CSMD1: variants seen among roughly 807,000 people sequenced by gnomAD.
CSMD1 encodes the protein CUB and sushi domain-containing protein 1.
CSMD1 carries 213 observed loss-of-function variants against 417.5 expected under a neutral mutation model. The observed-to-expected ratio is 0.51, with a 90% CI of 0.46 to 0.57. The LOEUF (loss-of-function observed/expected upper bound fraction) is 0.57. Among genes scored for constraint, CSMD1 ranks in the 20% least tolerant of loss-of-function variants. The pLI, the probability that CSMD1 is intolerant of heterozygous loss-of-function variation, is 0.00. For missense variants in CSMD1, 6,923 were observed against 4,529.7 expected, an observed-to-expected ratio of 1.53 and a Z score of -15.17; for synonymous variants, 2,862 against 1,736.8, an observed-to-expected ratio of 1.65 and a Z score of -16.11.
chr8:3,051,221 C>T (rs1273247291), intron 50 of CSMD1, among the ~76,000 whole-genome samples: 1 of 152,166 alleles, frequency 6.6e-6, no homozygotes, highest in Non-Finnish European at 1.5e-5. Flanking sequence ...TGGTAGACTG[C>T]ATACAGCAAA....
chr8:3,441,331 G>A (rs553953587), intron 12 of CSMD1, among the ~76,000 whole-genome samples: 7 of 152,100 alleles, frequency 4.6e-5, no homozygotes, highest in East Asian at 1.9e-4. Flanking sequence ...AAACTAATAG[G>A]GGTGTTGAAT....
At chr8:4,083,870 A>G (rs1255299244) in intron 3 of CSMD1, among the ~76,000 whole-genome samples, 2 of 152,214 alleles carry the variant, frequency 1.3e-5, no homozygotes, top group African/African-American at 4.8e-5. Context: ...GAGCTTCTGC[A>G]CAGCAAAAGA....
At chr8:4,019,671 G>T (rs1358551766) in intron 4 of CSMD1, among the ~76,000 whole-genome samples, 1 of 152,166 alleles carries the variant, frequency 6.6e-6, no homozygotes, top group African/African-American at 2.4e-5. Context: ...AGTGGCAGTT[G>T]TCTGAGATAA....
chr8:3,143,110 A>G (rs1268499682), intron 40 of CSMD1, among the ~76,000 whole-genome samples: 1 of 152,216 alleles, frequency 6.6e-6, no homozygotes, highest in Non-Finnish European at 1.5e-5. Flanking sequence ...AAAAACAACA[A>G]CAACAACAAC....
At chr8:4,622,058 C>T (rs1279343889) in intron 2 of CSMD1, among the ~76,000 whole-genome samples, 1 of 151,192 alleles carries the variant, frequency 6.6e-6, no homozygotes, top group Non-Finnish European at 1.5e-5. Flanking sequence ...GAAAAATCTA[C>T]AAGCAACATA....
At chr8:3,775,894 G>C (rs1798863200) in intron 5 of CSMD1, among the ~76,000 whole-genome samples, 1 of 152,140 alleles carries the variant, frequency 6.6e-6, no homozygotes, top group African/African-American at 2.4e-5. Flanking sequence ...CGCCACATGT[G>C]GCTTCTCAAT....
At chr8:3,248,501 A>ACGC (rs1439975756) in intron 26 of CSMD1, among the ~76,000 whole-genome samples, 1 of 141,308 alleles carries the variant, frequency 7.1e-6, no homozygotes, top group Non-Finnish European at 1.5e-5. Context: ...TCTGCCAGGT[A>ACGC]CGCCTGTAAT....
intron 5 of CSMD1, among the ~76,000 whole-genome samples, chr8:3,991,257 A>G (rs1814725391): frequency 6.6e-6 from 1 of 152,224 alleles, no homozygotes; most frequent in South Asian, 2.1e-4. Context: ...GTACAGTAGA[A>G]TTAGCTGGTA....
At chr8:3,581,914 C>T (rs957146717) in intron 9 of CSMD1, among the ~76,000 whole-genome samples, 2 of 152,132 alleles carry the variant, frequency 1.3e-5, no homozygotes, top group Non-Finnish European at 2.9e-5. Context: ...AAGTGATTCT[C>T]CTGCCTCAGC....
chr8:4,469,008 GA>G (rs1185035133), intron 2 of CSMD1, among the ~76,000 whole-genome samples: 2 of 151,972 alleles, frequency 1.3e-5, no homozygotes, highest in Non-Finnish European at 2.9e-5. Context: ...ACTCTAAAAG[GA>G]AAAAAAGTTC....
intron 23 of CSMD1, among the ~76,000 whole-genome samples, chr8:3,325,293 C>T (rs962087280): frequency 6.6e-6 from 1 of 152,138 alleles, no homozygotes; most frequent in African/African-American, 2.4e-5. Context: ...TTTTTATTAC[C>T]CCTAGAGAAG....
At chr8:3,617,757 T>G (rs1802214820) in intron 7 of CSMD1, among the ~76,000 whole-genome samples, 1 of 152,144 alleles carries the variant, frequency 6.6e-6, no homozygotes, top group African/African-American at 2.4e-5. Flanking sequence ...ATCAACCAAT[T>G]TAGGAGCAAT....
chr8:3,837,616 G>C (rs949059865), intron 5 of CSMD1, among the ~76,000 whole-genome samples: 3 of 152,128 alleles, frequency 2.0e-5, no homozygotes, highest in South Asian at 4.1e-4. Flanking sequence ...AGAAATTCTA[G>C]CGTTTGTGGA....
chr8:3,578,008 C>T (rs1280191774), intron 9 of CSMD1, among the ~76,000 whole-genome samples: 1 of 152,100 alleles, frequency 6.6e-6, no homozygotes, highest in Non-Finnish European at 1.5e-5. Flanking sequence ...TGTCTGTTGT[C>T]CCCTAGCTGT....
chr8:3,862,766 G>A (rs1015201267), intron 5 of CSMD1, among the ~76,000 whole-genome samples: 7 of 152,110 alleles, frequency 4.6e-5, no homozygotes, highest in Admixed American at 2.0e-4. Flanking sequence ...TGCCACTGAC[G>A]AGATTACACA....
intron 5 of CSMD1, among the ~76,000 whole-genome samples, chr8:3,825,444 G>A (rs10111094): frequency 0.12 from 18,988 of 152,112 alleles, 1,262 homozygotes; most frequent in East Asian, 0.16. Context: ...CAGTAGAATC[G>A]CTTGAACCTG....
intron 5 of CSMD1, among the ~76,000 whole-genome samples, chr8:3,982,519 C>T (rs941994947): frequency 6.6e-6 from 1 of 151,862 alleles, no homozygotes; most frequent in African/African-American, 2.4e-5. Flanking sequence ...AAATTATGTG[C>T]ATACCATTTA....
intron 1 of CSMD1, among the ~76,000 whole-genome samples, chr8:4,650,031 G>C (rs1308764520): frequency 6.6e-6 from 1 of 152,100 alleles, no homozygotes; most frequent in Non-Finnish European, 1.5e-5. Flanking sequence ...ATCATGTCTG[G>C]GATGAGACAG....
chr8:4,496,059 T>A (rs1801962075), intron 2 of CSMD1, among the ~76,000 whole-genome samples: 1 of 152,174 alleles, frequency 6.6e-6, no homozygotes, highest in African/African-American at 2.4e-5. Flanking sequence ...TTCTTTTTCT[T>A]TTGTTCCACT....
Sources: gnomAD v4.1 joint callset for allele counts (sites outside exome capture counted in the v4.1 genomes callset) on GRCh38, gnomAD v4.1.1 for gene constraint, MANE v1.5 for transcripts, NCBI Gene and HGNC (gene_info 2026-07-23, HGNC 2026-07-21) for gene names.